The following ADGRL3 variants were observed in gnomAD, a reference collection of about 807,000 sequenced individuals.
ADGRL3 encodes the protein calcium-independent alpha-latrotoxin receptor 3.
A neutral mutation model predicts 153.5 loss-of-function variants in ADGRL3; 62 were observed. That is an observed-to-expected ratio of 0.40 (90% CI 0.33 to 0.50). The LOEUF is 0.50. Ranked by LOEUF, ADGRL3 falls within the 20% of genes least tolerant of loss-of-function variation. The pLI, the probability that ADGRL3 is intolerant of heterozygous loss-of-function variation, is 0.47. For synonymous variants in ADGRL3, 710 were observed against 672.5 expected (o/e 1.06, Z -0.86); for missense variants, 1,641 against 1,859.4 (o/e 0.88, Z 2.16).
intron 6 of ADGRL3, among the ~76,000 whole-genome samples, chr4:61,721,553 T>C (rs1385075413): frequency 6.6e-6 from 1 of 152,174 alleles, no homozygotes; most frequent in African/African-American, 2.4e-5. Context: ...TAGGTCTGCA[T>C]CTCCCAGTCC....
intron 8 of ADGRL3, among the ~76,000 whole-genome samples, chr4:61,804,409 A>G: frequency 6.6e-6 from 1 of 152,188 alleles, no homozygotes; most frequent in Non-Finnish European, 1.5e-5. Context: ...TATAAGGAAA[A>G]TAAGAGTCCC....
intron 6 of ADGRL3, among the ~76,000 whole-genome samples, chr4:61,701,198 T>G (rs2095752156): frequency 6.6e-6 from 1 of 152,102 alleles, no homozygotes; most frequent in Non-Finnish European, 1.5e-5. Context: ...AGAAGGTGTG[T>G]CAAAGTTCAG....
intron 1 of ADGRL3, among the ~76,000 whole-genome samples, chr4:61,268,149 T>A (rs2092960714): frequency 1.3e-5 from 2 of 151,702 alleles, no homozygotes; most frequent in African/African-American, 4.8e-5. Flanking sequence ...TGCATCTAAA[T>A]TACTAACTGA....
chr4:61,309,598 A>T (rs2094923993), intron 1 of ADGRL3, among the ~76,000 whole-genome samples: 1 of 152,160 alleles, frequency 6.6e-6, no homozygotes, highest in Non-Finnish European at 1.5e-5. Flanking sequence ...GTCATGCTTT[A>T]AAGAGGTTGG....
At chr4:61,723,945 T>G (rs2096282974) in intron 6 of ADGRL3, among the ~76,000 whole-genome samples, 1 of 152,316 alleles carries the variant, frequency 6.6e-6, no homozygotes. Context: ...TGAAATAAAA[T>G]GATTCACAGA....
chr4:61,749,052 C>T (rs951458358), intron 8 of ADGRL3, among the ~76,000 whole-genome samples: 7 of 151,666 alleles, frequency 4.6e-5, no homozygotes, highest in East Asian at 3.9e-4. Flanking sequence ...GGGCAAAGGA[C>T]ATGAACAGAC....
intron 8 of ADGRL3, among the ~76,000 whole-genome samples, chr4:61,743,324 CAAAAAAAA>C (rs752363213): frequency 2.0e-5 from 1 of 50,854 alleles, no homozygotes; most frequent in Non-Finnish European, 4.7e-5. Context: ...GACTCCATCT[CAAAAAAAA>C]AAAAAAAAAA....
chr4:61,681,873 A>G (rs2095343784), intron 6 of ADGRL3, among the ~76,000 whole-genome samples: 1 of 152,058 alleles, frequency 6.6e-6, no homozygotes, highest in Non-Finnish European at 1.5e-5. Context: ...AATTTTAGAA[A>G]GATCACAAAA....
intron 8 of ADGRL3, among the ~76,000 whole-genome samples, chr4:61,747,453 C>T (rs1316977087): frequency 2.0e-5 from 3 of 151,054 alleles, no homozygotes; most frequent in Non-Finnish European, 2.9e-5. Context: ...ATGCAAAAAT[C>T]CTCAATAAAA....
chr4:61,688,730 C>T (rs1437559172), intron 6 of ADGRL3, among the ~76,000 whole-genome samples: 3 of 152,180 alleles, frequency 2.0e-5, no homozygotes, highest in Non-Finnish European at 2.9e-5. Flanking sequence ...TATTCTCTAC[C>T]TCCCTTGACT....
Position 62,072,542 on chromosome 4 carries a change from G to C in ADGRL3, c.*1634G>C, listed in dbSNP as rs1245279756. The C allele has an allele frequency of 6.6e-6, 1 of 152,232 alleles. No individual in the cohort carries two copies. The highest frequency in any genetic ancestry group is 1.5e-5 in the Non-Finnish European group (1 of 67,990). 9.4% of individuals were successfully genotyped at this position (152,232 alleles called of 1,614,324 possible). On this transcript the variant is annotated 3_prime_UTR_variant, in exon 27 of 27. Coordinates refer to ENST00000683033, the MANE Select transcript of ADGRL3 (RefSeq NM_001387552.1). ...AATACATAAACTTTGCTAATCCTCTGTGGCCCAAATGAGCCATGCAAAAGA... is the reference window on the plus strand; with the variant it reads ...AATACATAAACTTTGCTAATCCTCTCTGGCCCAAATGAGCCATGCAAAAGA...
intron 9 of ADGRL3, among the ~76,000 whole-genome samples, chr4:61,879,273 T>G (rs772836896): frequency 5.9e-5 from 9 of 152,156 alleles, no homozygotes; most frequent in Non-Finnish European, 1.2e-4. Context: ...CCTAAGCAAT[T>G]TGCTGCTTTG....
intron 1 of ADGRL3, among the ~76,000 whole-genome samples, chr4:61,339,703 A>G (rs1020463817): frequency 6.6e-6 from 1 of 152,232 alleles, no homozygotes; most frequent in South Asian, 2.1e-4. Context: ...TATTAACAAC[A>G]TATAGCTACA....
At chr4:61,243,436 C>T (rs1233413381) in intron 1 of ADGRL3, among the ~76,000 whole-genome samples, 3 of 151,972 alleles carry the variant, frequency 2.0e-5, no homozygotes, top group African/African-American at 7.2e-5. Context: ...CATGAGGTCC[C>T]ACCCAATCTC....
chr4:61,814,949 G>C (rs2097671738), intron 9 of ADGRL3, among the ~76,000 whole-genome samples: 1 of 151,990 alleles, frequency 6.6e-6, no homozygotes, highest in Non-Finnish European at 1.5e-5. Flanking sequence ...TGCTCTGTGA[G>C]GGCACAGAAT....
At chr4:62,029,953 A>T (rs979160053) in intron 22 of ADGRL3, among the ~76,000 whole-genome samples, 1 of 151,522 alleles carries the variant, frequency 6.6e-6, no homozygotes, top group East Asian at 1.9e-4. Flanking sequence ...TTGTAGTATA[A>T]AATATTAACA....
intron 2 of ADGRL3, among the ~76,000 whole-genome samples, chr4:61,394,534 A>G (rs2096848284): frequency 6.6e-6 from 1 of 152,022 alleles, no homozygotes; most frequent in Non-Finnish European, 1.5e-5. Context: ...CAGGAATACC[A>G]CACTTTTTCT....
intron 1 of ADGRL3, among the ~76,000 whole-genome samples, chr4:61,314,350 C>T (rs183843214): frequency 3.3e-4 from 50 of 152,156 alleles, no homozygotes; most frequent in African/African-American, 1.2e-3. Flanking sequence ...TCTAGGATTA[C>T]AGGCATGTGC....
At chr4:61,990,887 AC>A (rs2099101260) in intron 19 of ADGRL3, among the ~76,000 whole-genome samples, 1 of 151,480 alleles carries the variant, frequency 6.6e-6, no homozygotes, top group African/African-American at 2.4e-5. Context: ...CCCGAGTATC[AC>A]ATTCCTAATC....
Sources: gnomAD v4.1 joint callset for allele counts (sites outside exome capture counted in the v4.1 genomes callset) on GRCh38, gnomAD v4.1.1 for gene constraint, MANE v1.5 for transcripts, NCBI Gene and HGNC (gene_info 2026-07-23, HGNC 2026-07-21) for gene names.